The following PRKN variants were observed in gnomAD, a reference collection of about 807,000 sequenced individuals.
The protein encoded by PRKN is E3 ubiquitin-protein ligase parkin.
Under a neutral mutation model 59.5 loss-of-function variants are expected in PRKN, and 56 were observed. The observed-to-expected ratio is 0.94, with a 90% CI of 0.76 to 1.18. The LOEUF (loss-of-function observed/expected upper bound fraction) is 1.18. Among genes scored for constraint, PRKN ranks in the 50% most tolerant of loss-of-function variants. The pLI, the probability that PRKN is intolerant of heterozygous loss-of-function variation, is 0.00. For synonymous variants in PRKN, 250 were observed against 222.1 expected (o/e 1.13, Z -1.12); for missense variants, 657 against 596.4 (o/e 1.10, Z -1.06).
At chr6:162,318,185 C>A (rs928629079) in intron 2 of PRKN, among the ~76,000 whole-genome samples, 6 of 152,034 alleles carry the variant, frequency 3.9e-5, no homozygotes, top group Admixed American at 1.3e-4. Flanking sequence ...TGTGTGACTG[C>A]TTATTTCACT....
At chr6:161,889,080 G>A (rs1795250237) in intron 6 of PRKN, among the ~76,000 whole-genome samples, 1 of 151,926 alleles carries the variant, frequency 6.6e-6, no homozygotes, top group South Asian at 2.1e-4. Context: ...TATATGATCG[G>A]CAAGAAAATA....
intron 7 of PRKN, among the ~76,000 whole-genome samples, chr6:161,723,471 G>A (rs1787311914): frequency 6.6e-6 from 1 of 152,136 alleles, no homozygotes; most frequent in Non-Finnish European, 1.5e-5. Flanking sequence ...GAAACCTACA[G>A]TTTCTGCTGG....
chr6:161,528,787 G>T (rs1181397995), intron 9 of PRKN, among the ~76,000 whole-genome samples: 1 of 152,164 alleles, frequency 6.6e-6, no homozygotes, highest in East Asian at 1.9e-4. Flanking sequence ...TATCTCCTGG[G>T]GAGGTGACTT....
intron 6 of PRKN, among the ~76,000 whole-genome samples, chr6:161,886,706 A>AATAAAATAAC (rs199798121): frequency 0.022 from 3,177 of 146,314 alleles, 134 homozygotes; most frequent in African/African-American, 0.075. Flanking sequence ...TCAAAAATAA[A>AATAAAATAAC]ATAAAATAAC....
At chr6:161,482,501 G>A (rs980503072) in intron 9 of PRKN, among the ~76,000 whole-genome samples, 5 of 152,198 alleles carry the variant, frequency 3.3e-5, no homozygotes, top group Non-Finnish European at 7.3e-5. Context: ...GGAGAAAGCC[G>A]CCATAGATTA....
At chr6:161,811,739 A>G (rs1347661911) in intron 6 of PRKN, among the ~76,000 whole-genome samples, 1 of 152,120 alleles carries the variant, frequency 6.6e-6, no homozygotes, top group African/African-American at 2.4e-5. Flanking sequence ...CCTGGCCAAC[A>G]TAGTGAAACT....
In PRKN at chr6:161,581,687, C is replaced by T. The variant is rs1037511700; in HGVS notation, c.872-12271G>A. ...AATGAAGGAAAAATGGAATCGCTGG[C>T]CTGAGAATGAACATCAGCAATTGGT... On this transcript the variant is annotated intron_variant, in intron 7 of 11. Transcript: ENST00000366898. This position sits in a 1 kb window ranked among gnomAD's most constrained non-coding sequence, Gnocchi z 4.5. Among the ~76,000 whole-genome samples, 1 of 152,064 alleles carries T rather than the reference C, an allele frequency of 6.6e-6. No homozygotes were observed. The highest frequency in any genetic ancestry group is 1.5e-5 in the Non-Finnish European group (1 of 68,006).
At chr6:162,664,343 G>A (rs140425305) in intron 1 of PRKN, among the ~76,000 whole-genome samples, 19 of 152,246 alleles carry the variant, frequency 1.2e-4, no homozygotes, top group East Asian at 1.2e-3. Context: ...GAACAGTGCC[G>A]CAATAAACAT....
At chr6:162,161,720 CA>C (rs1782767725) in intron 4 of PRKN, among the ~76,000 whole-genome samples, 1 of 152,162 alleles carries the variant, frequency 6.6e-6, no homozygotes, top group Admixed American at 6.5e-5. Flanking sequence ...AACACTACGT[CA>C]CAATGCCTGG....
At chr6:161,971,293 T>G (rs192060009) in intron 6 of PRKN, among the ~76,000 whole-genome samples, 2 of 152,294 alleles carry the variant, frequency 1.3e-5, no homozygotes, top group Non-Finnish European at 1.5e-5. Flanking sequence ...AGGGCAACGC[T>G]CTTAGTAAGA....
chr6:162,546,100 G>GTTTTTTTTTTTTTTTTTTTTTTTTTTTT (rs11396761), intron 1 of PRKN, among the ~76,000 whole-genome samples: 1 of 116,662 alleles, frequency 8.6e-6, no homozygotes, highest in African/African-American at 3.5e-5. Flanking sequence ...AGTGTATGCA[G>GTTTTTTTTTTTTTTTTTTTTTTTTTTTT]TTTTTTTTTT....
At chr6:161,711,330 T>A (rs1249673939) in intron 7 of PRKN, among the ~76,000 whole-genome samples, 2 of 152,142 alleles carry the variant, frequency 1.3e-5, no homozygotes, top group East Asian at 3.9e-4. Context: ...ACAGTAAAAA[T>A]ACACACTGAT....
chr6:161,587,746 CCA>C (rs1469491470), intron 7 of PRKN, among the ~76,000 whole-genome samples: 1 of 151,902 alleles, frequency 6.6e-6, no homozygotes, highest in Non-Finnish European at 1.5e-5. Flanking sequence ...CACCCATCAC[CCA>C]AGCAATATAC....
chr6:161,495,075 T>TTTTA (rs1239666055), intron 9 of PRKN, among the ~76,000 whole-genome samples: 1 of 152,204 alleles, frequency 6.6e-6, no homozygotes, highest in Admixed American at 6.5e-5. Flanking sequence ...TGATAATATA[T>TTTTA]TTTATTTACC....
chr6:162,635,544 C>T (rs1176810697), intron 1 of PRKN, among the ~76,000 whole-genome samples: 4 of 151,908 alleles, frequency 2.6e-5, no homozygotes, highest in East Asian at 1.9e-4. Context: ...GACCTTATGT[C>T]GTAGCTTTGT....
chr6:161,931,772 T>C (rs140050692), intron 6 of PRKN, among the ~76,000 whole-genome samples: 22 of 152,364 alleles, frequency 1.4e-4, no homozygotes, highest in African/African-American at 5.0e-4. Flanking sequence ...AGACTACTTA[T>C]GGATTATTTG....
intron 1 of PRKN, among the ~76,000 whole-genome samples, chr6:162,499,910 C>A (rs923791760): frequency 6.6e-6 from 1 of 151,568 alleles, no homozygotes; most frequent in Non-Finnish European, 1.5e-5. Flanking sequence ...AAAACCTTAC[C>A]AAAAAAAAGG....
At chr6:162,384,238 G>A (rs1222092297) in intron 2 of PRKN, among the ~76,000 whole-genome samples, 1 of 152,180 alleles carries the variant, frequency 6.6e-6, no homozygotes, top group Non-Finnish European at 1.5e-5. Context: ...TCCTCATTGA[G>A]CTAAATTATT....
At chr6:162,607,622 TAAAAG>T (rs1437246527) in intron 1 of PRKN, among the ~76,000 whole-genome samples, 6 of 151,820 alleles carry the variant, frequency 4.0e-5, no homozygotes, top group Admixed American at 2.6e-4. Context: ...AGGCTGAATA[TAAAAG>T]AAAAGGGAGG....
Sources: gnomAD v4.1 joint callset for allele counts (sites outside exome capture counted in the v4.1 genomes callset) on GRCh38, gnomAD v4.1.1 for gene constraint, Gnocchi (gnomAD v3.1) non-coding constraint, MANE v1.5 for transcripts, NCBI Gene and HGNC (gene_info 2026-07-23, HGNC 2026-07-21) for gene names.